KLHL5: variants seen among roughly 807,000 people sequenced by gnomAD.
The protein encoded by KLHL5 is kelch like family member 5, also known as kelch-like protein 5.
In KLHL5, 48 loss-of-function variants were observed where a neutral mutation model predicts 77.7. The observed-to-expected ratio is 0.62, with a 90% CI of 0.49 to 0.79. KLHL5 has a LOEUF of 0.79. Ranked by LOEUF, KLHL5 falls within the 30% of genes least tolerant of loss-of-function variation. The pLI is 0.00. For synonymous variants in KLHL5, 260 were observed against 297.0 expected (o/e 0.88, Z 1.28); for missense variants, 723 against 859.7 (o/e 0.84, Z 1.99).
downstream of KLHL5, among the ~76,000 whole-genome samples, chr4:39,128,767 A>G (rs150445372): frequency 3.0e-3 from 457 of 152,174 alleles, 4 homozygotes; most frequent in African/African-American, 0.01. Flanking sequence ...GTTCGAGACC[A>G]GCCTGGGAAC....
chr4:39,072,846 C>G (rs1224271242), intron 1 of KLHL5, among the ~76,000 whole-genome samples: 1 of 152,074 alleles, frequency 6.6e-6, no homozygotes, highest in Admixed American at 6.6e-5. Flanking sequence ...CACAAAGTTA[C>G]AATTAGGAGG....
chr4:39,060,474 A>G (rs1434606388), upstream of KLHL5, among the ~76,000 whole-genome samples: 1 of 107,254 alleles, frequency 9.3e-6, no homozygotes, highest in Non-Finnish European at 1.9e-5. Flanking sequence ...CCTATTTTCC[A>G]GAAGCCTTTA....
intron 4 of KLHL5, among the ~76,000 whole-genome samples, chr4:39,083,137 T>C (rs143005047): frequency 1.1e-4 from 16 of 152,302 alleles, no homozygotes; most frequent in African/African-American, 3.8e-4. Context: ...TATGAAGAGA[T>C]TGAGAGTGCT....
chr4:39,062,582 T>G lies in KLHL5; in HGVS notation c.-71T>G. On this transcript the variant is annotated 5_prime_UTR_variant, in exon 1 of 11. Transcript: ENST00000504108. The stretch of plus-strand genomic sequence containing the variant: ...AGCAGGGCATATACTTCTCTTGTCT[T>G]GGTTGGATGCACAAATCTGTGTGCA... The G allele has an allele frequency of 1.2e-6, 2 of 1,614,164 alleles. No homozygotes were observed. Among genetic ancestry groups the G allele is most frequent in the Non-Finnish European group, 1.7e-6 (2 of 1,180,002 alleles).
chr4:39,050,829 C>A (rs747991753), intron 1 of KLHL5, among the ~76,000 whole-genome samples: 4 of 152,200 alleles, frequency 2.6e-5, no homozygotes, highest in Non-Finnish European at 4.4e-5. Context: ...TTATGATAAT[C>A]AGGATAAGAA....
At chr4:39,069,178 C>G (rs1046668100) in intron 1 of KLHL5, among the ~76,000 whole-genome samples, 1 of 152,014 alleles carries the variant, frequency 6.6e-6, no homozygotes, top group Non-Finnish European at 1.5e-5. Context: ...ATTAAGCAAG[C>G]GACACAAGTT....
the KLHL5 span, among the ~76,000 whole-genome samples, chr4:39,140,427 A>G: frequency 1.3e-5 from 2 of 152,228 alleles, no homozygotes; most frequent in African/African-American, 2.4e-5. Flanking sequence ...TGTAGGAAAT[A>G]CAAACTATTT....
intron 5 of KLHL5, among the ~76,000 whole-genome samples, chr4:39,088,507 C>T (rs1038625676): frequency 6.6e-6 from 1 of 152,184 alleles, no homozygotes; most frequent in Admixed American, 6.6e-5. Flanking sequence ...AACCCAAGTA[C>T]AGTTCTGTGC....
chr4:39,139,220 TGCAGTGA>T, the KLHL5 span, among the ~76,000 whole-genome samples: 2 of 145,870 alleles, frequency 1.4e-5, no homozygotes, highest in African/African-American at 5.1e-5. Context: ...AGACGGAGGT[TGCAGTGA>T]GCCGAGATCA....
rs1240855854 is a variant in KLHL5, at chr4:39,124,227, A to G, written c.*3161A>G. 2.0e-5 allele frequency among the ~76,000 whole-genome samples: 3 copies of G among 152,174 alleles called. No homozygotes were observed. The highest frequency in any genetic ancestry group is 1.5e-5 in the Non-Finnish European group (1 of 68,010). On this transcript the variant is annotated 3_prime_UTR_variant, in exon 11 of 11. Coordinates refer to ENST00000504108, the MANE Select transcript of KLHL5 (RefSeq NM_015990.5). ...GAAGACTTAACATTGTTAAGATGGC[A>G]TTACTCCCAAAATTAGTCTATAGAT...
At chr4:39,139,320 TG>T in the KLHL5 span, among the ~76,000 whole-genome samples, 1 of 150,222 alleles carries the variant, frequency 6.7e-6, no homozygotes, top group Admixed American at 6.6e-5. Flanking sequence ...TCATCAATAC[TG>T]GGACAAATGA....
intron 5 of KLHL5, among the ~76,000 whole-genome samples, chr4:39,087,618 G>A (rs1355823759): frequency 6.6e-6 from 1 of 151,986 alleles, no homozygotes; most frequent in East Asian, 1.9e-4. Context: ...ATATCTAGTT[G>A]GTGTGTTCAA....
chr4:39,118,999 A>G (rs6840214), intron 10 of KLHL5, among the ~76,000 whole-genome samples: 117,917 of 152,038 alleles, frequency 0.78, 45,747 homozygotes, highest in East Asian at 0.83. Flanking sequence ...TGATTACCTA[A>G]TATCAGCTTC....
chr4:39,129,721 T>G (rs928516245), downstream of KLHL5, among the ~76,000 whole-genome samples: 1 of 152,216 alleles, frequency 6.6e-6, no homozygotes. This position sits in a 1 kb window ranked among gnomAD's most constrained non-coding sequence, Gnocchi z 4.2. Flanking sequence ...TTATAACAGA[T>G]TTTCAAATGT....
intron 4 of KLHL5, among the ~76,000 whole-genome samples, chr4:39,084,422 G>A (rs1434467719): frequency 1.3e-5 from 2 of 152,120 alleles, no homozygotes; most frequent in East Asian, 3.8e-4. Context: ...TTGAATTTAT[G>A]ACACAAATAA....
In KLHL5 at chr4:39,086,692, T is replaced by G. The variant is rs975422258; in HGVS notation, c.1078T>G (p.Leu360Val). ...EQRRKDLSKLLAYIRLPLLAP... is the reference protein window; with the variant it reads ...EQRRKDLSKLVAYIRLPLLAP... ...GAGACGGAAAGATCTAAGTAAACTT[T>G]TGGCTTATATTAGGCTACCTCTTCT... The change falls in exon 5 of 11, where the codon TTG becomes GTG. Residue 360 changes from leucine to valine, a missense_variant. This residue lies in a region of KLHL5 where 288 missense variants were observed against 400.3 expected (regional missense o/e 0.72). Transcript: ENST00000504108. 6.2e-6 allele frequency: 10 copies of G among 1,613,842 alleles called. No homozygotes were observed. Among genetic ancestry groups the G allele is most frequent in the Non-Finnish European group, 7.6e-6 (9 of 1,179,932 alleles).
intron 8 of KLHL5, among the ~76,000 whole-genome samples, chr4:39,110,470 T>C (rs1722375270): frequency 6.6e-6 from 1 of 152,168 alleles, no homozygotes. Context: ...GCATTCCTTT[T>C]ACTTTTGAGA....
intron 6 of KLHL5, among the ~76,000 whole-genome samples, chr4:39,097,648 G>A (rs1480281888): frequency 6.6e-6 from 1 of 152,152 alleles, no homozygotes; most frequent in Non-Finnish European, 1.5e-5. Flanking sequence ...TCTGTCTATA[G>A]TATTCAAAAA....
At chr4:39,136,005 C>CGTGTGT in the KLHL5 span, among the ~76,000 whole-genome samples, 3,114 of 145,956 alleles carry the variant, frequency 0.021, 62 homozygotes, top group East Asian at 0.1. Flanking sequence ...CATTCTAACA[C>CGTGTGT]GTGTGTGTGT....
Sources: allele counts gnomAD v4.1 joint callset (sites outside exome capture counted in the v4.1 genomes callset), GRCh38; gene constraint gnomAD v4.1.1; regional missense constraint gnomAD v4.1.1; non-coding constraint Gnocchi (gnomAD v3.1); transcripts MANE v1.5; gene names NCBI Gene and HGNC (gene_info 2026-07-23, HGNC 2026-07-21).